SLC9C1: variants seen among roughly 807,000 people sequenced by gnomAD.
SLC9C1 encodes sodium/hydrogen exchanger 10.
SLC9C1 carries 97 observed loss-of-function variants against 140.9 expected under a neutral mutation model. The ratio of observed to expected loss-of-function variants is 0.69; its 90% CI spans 0.58 to 0.82. The LOEUF is 0.82. SLC9C1 is among the 40% of genes least tolerant of loss of function. The probability of loss-of-function intolerance (pLI) is 0.00; values close to 1 mark genes in which losing one functional copy is unlikely to be tolerated. For missense variants in SLC9C1, 1,340 were observed against 1,389.3 expected (o/e 0.96, Z 0.56); for synonymous variants, 440 against 442.6 (o/e 0.99, Z 0.07).
At chr3:112,185,502 C>T (rs2077517416) in intron 20 of SLC9C1, 1 of 1,612,112 alleles carries the variant, frequency 6.2e-7, no homozygotes, top group Non-Finnish European at 8.5e-7. Context: ...GATGATCTCT[C>T]CTTTTTCAGG....
chr3:112,164,262 G>A lies in SLC9C1; in HGVS notation c.3364+2959C>T, dbSNP rs560033417. On this transcript the variant is annotated intron_variant, in intron 26 of 28. Transcript: ENST00000305815. Reference sequence around the variant, plus strand: ...CTGTGTCTTTTAATTGGAGCACTTAGTCCATTTACATTTAAAGTTAATATT... The same window carrying A: ...CTGTGTCTTTTAATTGGAGCACTTAATCCATTTACATTTAAAGTTAATATT... 1.6e-3 allele frequency among the ~76,000 whole-genome samples: 235 copies of A among 149,268 alleles called. 7 individuals are homozygous for A. The highest frequency in any genetic ancestry group is 5.5e-3 in the African/African-American group (215 of 38,978).
intron 11 of SLC9C1, among the ~76,000 whole-genome samples, chr3:112,243,726 T>A (rs2079199396): frequency 1.3e-5 from 2 of 151,898 alleles, no homozygotes; most frequent in Admixed American, 1.3e-4. Flanking sequence ...GGTCTTGCTC[T>A]CTTGCCCAGG....
intron 19 of SLC9C1, 112 bp downstream of exon 19, chr3:112,200,599 A>G: frequency 7.0e-6 from 6 of 863,242 alleles, no homozygotes; most frequent in Non-Finnish European, 1.1e-5. Context: ...TCACTTCAGT[A>G]TTGTTAGTGA....
rs566544259 is a variant in SLC9C1, at chr3:112,266,148, A to T, written c.878+90T>A. On this transcript the variant is annotated intron_variant, in intron 8 of 28. Coordinates refer to ENST00000305815, the MANE Select transcript of SLC9C1 (RefSeq NM_183061.3). ...TAGTTTTCAAGTCTTTGAAAATCTT[A>T]CTTCGACCATGTAGATGTAGATATT... 155 of 974,384 alleles carry T rather than the reference A, an allele frequency of 1.6e-4. No individual in the cohort carries two copies. In the East Asian group the frequency reaches 3.6e-3, roughly 23 times the overall value. The allele number at this position is 974,384 out of a possible 1,614,324, so 60.4% of individuals were successfully genotyped here.
At chr3:112,162,769 A>G (rs1447452584) in intron 26 of SLC9C1, among the ~76,000 whole-genome samples, 4 of 141,870 alleles carry the variant, frequency 2.8e-5, no homozygotes, top group Non-Finnish European at 6.1e-5. Context: ...TTGGTATCAG[A>G]ATGATGCTGG....
intron 10 of SLC9C1, among the ~76,000 whole-genome samples, chr3:112,245,448 G>A (rs1576435575): frequency 6.6e-6 from 1 of 150,568 alleles, no homozygotes; most frequent in East Asian, 1.9e-4. Context: ...TTTTCTAAGT[G>A]AATCCAGTAG....
Position 112,206,764 on chromosome 3 carries a change from A to G in SLC9C1, c.1986+1414T>C, listed in dbSNP as rs190010773. 3.5e-3 allele frequency among the ~76,000 whole-genome samples: 524 copies of G among 150,086 alleles called. 7 individuals are homozygous for G. Among genetic ancestry groups the G allele is most frequent in the African/African-American group, 0.012 (496 of 40,858 alleles). ...AAGGACAGAAAACCAAACACCACAT[A>G]TTCTCACTCGTAGGTGGGATGTGAA... On this transcript the variant is annotated intron_variant, in intron 16 of 28. Coordinates refer to ENST00000305815, the MANE Select transcript of SLC9C1 (RefSeq NM_183061.3).
intron 1 of SLC9C1, among the ~76,000 whole-genome samples, chr3:112,292,751 G>A (rs1196409083): frequency 6.6e-6 from 1 of 151,374 alleles, no homozygotes; most frequent in Non-Finnish European, 1.5e-5. Context: ...CACTGTGTTA[G>A]CCAGGATGGT....
In SLC9C1 at chr3:112,234,712, C is replaced by A. The variant is rs180900487; in HGVS notation, c.1447-3226G>T. Reference sequence around the variant, plus strand: ...TCTACATATGGCTAGCCAGTTTTCCCAGCACCGTTTGTTAAATAGGGAATC... The same window carrying A: ...TCTACATATGGCTAGCCAGTTTTCCAAGCACCGTTTGTTAAATAGGGAATC... On this transcript the variant is annotated intron_variant, in intron 12 of 28. Transcript: ENST00000305815. 4.3e-4 allele frequency among the ~76,000 whole-genome samples: 66 copies of A among 152,300 alleles called. 1 individual carries two copies. In the East Asian group the frequency reaches 8.7e-3, roughly 20 times the overall value.
At chr3:112,216,580 T>C (rs2108102110) in intron 15 of SLC9C1, among the ~76,000 whole-genome samples, 1 of 151,874 alleles carries the variant, frequency 6.6e-6, no homozygotes, top group Admixed American at 6.6e-5. Flanking sequence ...AGAAGACATT[T>C]ATGCAGCCAA....
chr3:112,204,528 C>A (rs1166202460), intron 16 of SLC9C1, 125 bp from the exon 17 acceptor site: 3 of 964,874 alleles, frequency 3.1e-6, no homozygotes, highest in Non-Finnish European at 3.0e-6. Flanking sequence ...GAAATATCCT[C>A]AGGAAACCAA....
intron 2 of SLC9C1, 38 bp downstream of exon 2, chr3:112,286,666 G>T: frequency 2.0e-6 from 3 of 1,507,554 alleles, no homozygotes; most frequent in Admixed American, 2.0e-5. Flanking sequence ...AAGATGTACC[G>T]GAAGAATAAA....
At position 112,186,068 on chromosome 3, in the gene SLC9C1, C is replaced by A. The variant is rs1485163531; in HGVS notation, c.2524-3810G>T. On this transcript the variant is annotated intron_variant, in intron 20 of 28. Transcript: ENST00000305815. ...TCCGCTGCACAGTGCACTTTCAAAT[C>A]TTTTGCCCATTAAAAAATGAACTTT... 7 of 1,134,230 alleles carry A rather than the reference C, an allele frequency of 6.2e-6. No homozygotes were observed. In the East Asian group the frequency reaches 1.6e-4, roughly 25 times the overall value. The allele number at this position is 1,134,230 out of a possible 1,614,324, so 70.3% of individuals were successfully genotyped here. A position where few individuals can be genotyped will look rare whatever the true frequency, so the allele number is the denominator to read the frequency against.
At chr3:112,149,544 A>T (rs2074899488) in intron 28 of SLC9C1, among the ~76,000 whole-genome samples, 1 of 152,108 alleles carries the variant, frequency 6.6e-6, no homozygotes, top group Non-Finnish European at 1.5e-5. Flanking sequence ...GGTGCCCCAA[A>T]TGTCTGGAGA....
intron 14 of SLC9C1, 38 bp downstream of exon 14, chr3:112,221,090 G>C: frequency 6.5e-7 from 1 of 1,550,156 alleles, no homozygotes. Flanking sequence ...TAAATGCTGT[G>C]GCTTAGAATA....
intron 6 of SLC9C1, among the ~76,000 whole-genome samples, chr3:112,272,978 C>T (rs2080116849): frequency 6.6e-6 from 1 of 152,054 alleles, no homozygotes; most frequent in Non-Finnish European, 1.5e-5. Flanking sequence ...CCCTGATTAG[C>T]CTGCAGATGT....
chr3:112,153,860 C>A (rs2075054955), intron 27 of SLC9C1, among the ~76,000 whole-genome samples: 1 of 152,266 alleles, frequency 6.6e-6, no homozygotes, highest in South Asian at 2.1e-4. Context: ...ATTCAACAGG[C>A]AATAAATAGG....
chr3:112,171,251 G>A (rs1468807920), intron 23 of SLC9C1, among the ~76,000 whole-genome samples: 14 of 151,952 alleles, frequency 9.2e-5, no homozygotes, highest in Admixed American at 9.2e-4. Flanking sequence ...GAAAATTTTA[G>A]TTGCTCCACG....
At chr3:112,176,370 G>A (rs1221537341) in intron 23 of SLC9C1, among the ~76,000 whole-genome samples, 1 of 152,190 alleles carries the variant, frequency 6.6e-6, no homozygotes, top group Non-Finnish European at 1.5e-5. Context: ...TCAGTTGAAA[G>A]TGCTATGTTT....
Sources: allele counts gnomAD v4.1 joint callset (sites outside exome capture counted in the v4.1 genomes callset), GRCh38; gene constraint gnomAD v4.1.1; transcripts MANE v1.5; gene names NCBI Gene and HGNC (gene_info 2026-07-23, HGNC 2026-07-21).